The following DHX15 variants were observed in gnomAD, a reference collection of about 807,000 sequenced individuals.
DHX15 encodes DEAH-box helicase 15.
A neutral mutation model predicts 94.4 loss-of-function variants in DHX15; 11 were observed. That is an observed-to-expected ratio of 0.12 (90% CI 0.07 to 0.19). The LOEUF (loss-of-function observed/expected upper bound fraction) is 0.19, where lower values mean the gene tolerates loss of function less well. DHX15 is among the 10% of genes least tolerant of loss of function. DHX15 has a pLI of 1.00. For missense variants in DHX15, 304 were observed against 988.5 expected (o/e 0.31, Z 9.29); for synonymous variants, 338 against 329.9 (o/e 1.02, Z -0.27).
Position 24,541,888 on chromosome 4 carries a change from A to G in DHX15, c.1470T>C (p.Tyr490=). 1.3e-6 allele frequency: 2 copies of G among 1,597,016 alleles called. No homozygotes were observed. Residue 490 remains tyrosine, a synonymous_variant, in exon 8 of 14, where the codon TAT becomes TAC. Transcript: ENST00000336812. ...TACCCCATACCTGCATTTCTGTTTT[A>G]TAAGCTTTCTCTGTGTAAAGTCTGA... ...KCFRLYTEKA[Y]KTEMQDNTYP...
At chr4:24,553,060 C>G (rs1196857967) in intron 5 of DHX15, among the ~76,000 whole-genome samples, 1 of 152,202 alleles carries the variant, frequency 6.6e-6, no homozygotes, top group African/African-American at 2.4e-5. Context: ...CAGTGGCTCA[C>G]GCCTGTAATC....
intron 12 of DHX15, among the ~76,000 whole-genome samples, chr4:24,532,548 G>A (rs1344155214): frequency 6.6e-6 from 1 of 152,154 alleles, no homozygotes; most frequent in Non-Finnish European, 1.5e-5. Flanking sequence ...GAAGAAACAG[G>A]TGCCTAATCA....
chr4:24,580,066 T>C (rs1329073157), intron 1 of DHX15, among the ~76,000 whole-genome samples: 1 of 152,120 alleles, frequency 6.6e-6, no homozygotes, highest in Non-Finnish European at 1.5e-5. Flanking sequence ...GCCCCACCAA[T>C]ATTGGTTATT....
intron 3 of DHX15, among the ~76,000 whole-genome samples, chr4:24,568,193 A>G (rs1234015467): frequency 6.6e-6 from 1 of 152,244 alleles, no homozygotes; most frequent in Non-Finnish European, 1.5e-5. Context: ...CCCTAGAGTG[A>G]AAATTAAAGT....
At chr4:24,572,152 G>A (rs973060330) in intron 2 of DHX15, among the ~76,000 whole-genome samples, 5 of 152,026 alleles carry the variant, frequency 3.3e-5, no homozygotes, top group African/African-American at 1.2e-4. Context: ...TTTTTTGTTT[G>A]TTTTTTGAGA....
At position 24,547,935 on chromosome 4, in the gene DHX15, ATATATATC is replaced by A. The variant is rs1560765923; in HGVS notation, c.1248+912_1248+919del. On this transcript the variant is annotated intron_variant, in intron 6 of 13. Transcript: ENST00000336812. ...TATATATATATATATATATATATATATATATATCTATATCTATATCTATATCTATCTGC... is the reference window on the plus strand; with the variant it reads ...TATATATATATATATATATATATATATATATCTATATCTATATCTATCTGC... 2.4e-3 allele frequency among the ~76,000 whole-genome samples: 117 copies of A among 48,864 alleles called. 1 individual carries two copies. Among genetic ancestry groups the A allele is most frequent in the South Asian group, 2.9e-3 (4 of 1,358 alleles). 32.1% of individuals were successfully genotyped at this position (48,864 alleles called of 152,430 possible). A position where few individuals can be genotyped will look rare whatever the true frequency, so the allele number is the denominator to read the frequency against.
Position 24,532,164 on chromosome 4 carries a change from T to C in DHX15, c.2100+700A>G, listed in dbSNP as rs567675992. Reference sequence around the variant, plus strand: ...TATTTTATAAACACCTTAAAATAACTGTTCACAGTATTTACTTGACAAGTT... The same window carrying C: ...TATTTTATAAACACCTTAAAATAACCGTTCACAGTATTTACTTGACAAGTT... On this transcript the variant is annotated intron_variant, in intron 12 of 13. Transcript: ENST00000336812. Among the ~76,000 whole-genome samples, 316 of 152,392 alleles carry C rather than the reference T, an allele frequency of 2.1e-3. 3 individuals are homozygous for C. The highest frequency in any genetic ancestry group is 7.4e-3 in the African/African-American group (306 of 41,594).
intron 1 of DHX15, among the ~76,000 whole-genome samples, chr4:24,579,865 A>C (rs1167520905): frequency 6.6e-6 from 1 of 152,096 alleles, no homozygotes; most frequent in Admixed American, 6.5e-5. Context: ...TCCCTGTTTC[A>C]AGCGATTCTC....
At position 24,541,858 on chromosome 4, in the gene DHX15, G is replaced by T. The variant is rs369624906; in HGVS notation, c.1485+15C>A. 5.2e-6 allele frequency: 8 copies of T among 1,544,670 alleles called. No homozygotes were observed. In the African/African-American group the frequency reaches 6.9e-5, roughly 13 times the overall value. ...CATTTTAAACATATCGGCAGGAAAC[G>T]ACAATACCCCATACCTGCATTTCTG... On this transcript the variant is annotated intron_variant, in intron 8 of 13. Transcript: ENST00000336812.
At chr4:24,555,646 G>A (rs998701709) in intron 4 of DHX15, among the ~76,000 whole-genome samples, 11 of 152,098 alleles carry the variant, frequency 7.2e-5, no homozygotes, top group African/African-American at 2.4e-4. Context: ...CAAGGGATGA[G>A]TCTACATTCC....
In DHX15 at chr4:24,527,765, A is replaced by C. The variant is rs1004878492; in HGVS notation, c.*159T>G. On this transcript the variant is annotated 3_prime_UTR_variant, in exon 14 of 14. Coordinates refer to ENST00000336812, the MANE Select transcript of DHX15 (RefSeq NM_001358.3). ...CACAAAAGGGAGGCATAAATGTTTA[A>C]TTTATGAAATCAGAATGGAATATTT... The C allele has an allele frequency of 1.5e-4, 82 of 549,260 alleles. No homozygotes were observed. Among genetic ancestry groups the C allele is most frequent in the African/African-American group, 1.5e-3 (78 of 53,530 alleles). 34.0% of individuals were successfully genotyped at this position (549,260 alleles called of 1,614,324 possible).
chr4:24,568,396 T>C (rs1178374799), intron 3 of DHX15, among the ~76,000 whole-genome samples: 1 of 152,222 alleles, frequency 6.6e-6, no homozygotes, highest in Non-Finnish European at 1.5e-5. Context: ...CAACACCAGG[T>C]TAGCTCCTAG....
Position 24,584,339 on chromosome 4 carries a change from G to C in DHX15, c.55C>G (p.Arg19Gly), listed in dbSNP as rs749871607. Residue 19 changes from arginine to glycine, a missense_variant, in exon 1 of 14, where the codon CGT (arginine) becomes GGT (glycine). By Grantham distance (125) the Arg-to-Gly change is moderately radical (BLOSUM62 -2). Around this residue, in one of 9 missense-constraint regions of DHX15, gnomAD observed 143 missense variants for 200.5 expected, o/e 0.71. Transcript: ENST00000336812. ...LGEDYPSGKK[R>G]AGTDGKDRDR... The stretch of plus-strand genomic sequence containing the variant: ...CTGGCTTACCCATCGGTCCCCGCAC[G>C]CTTCTTGCCAGAGGGGTAATCCTCC... 4.3e-6 allele frequency: 7 copies of C among 1,612,776 alleles called. No homozygotes were observed. The highest frequency in any genetic ancestry group is 1.3e-5 in the African/African-American group (1 of 74,818).
chr4:24,548,792 T>C (rs1577338885), intron 6 of DHX15, 63 bp downstream of exon 6: 3 of 1,468,526 alleles, frequency 2.0e-6, no homozygotes, highest in East Asian at 4.8e-5. Flanking sequence ...TATAACTGAA[T>C]ACAGTTTATA....
intron 12 of DHX15, among the ~76,000 whole-genome samples, chr4:24,531,526 A>C (rs1211765870): frequency 1.3e-5 from 2 of 151,558 alleles, no homozygotes; most frequent in African/African-American, 4.9e-5. Flanking sequence ...CAGCCTGGGC[A>C]ACGTGGCGAG....
intron 4 of DHX15, 96 bp from the exon 5 acceptor site, chr4:24,555,039 T>C (rs1293552181): frequency 7.1e-6 from 6 of 841,920 alleles, no homozygotes; most frequent in Non-Finnish European, 1.1e-5. Flanking sequence ...ATATCAGCTA[T>C]AAAAATGCCC....
At chr4:24,536,492 T>C (rs1437145772) in intron 11 of DHX15, among the ~76,000 whole-genome samples, 4 of 152,166 alleles carry the variant, frequency 2.6e-5, no homozygotes, top group East Asian at 1.9e-4. Flanking sequence ...TATCTGCAAA[T>C]TTTATGTGAG....
At chr4:24,533,231 G>A (rs1286091300) in intron 11 of DHX15, 177 bp from the exon 12 acceptor site, 1 of 619,490 alleles carries the variant, frequency 1.6e-6, no homozygotes. Flanking sequence ...GATCTGTAGT[G>A]TGATTCAACA....
intron 3 of DHX15, 96 bp from the exon 4 acceptor site, chr4:24,556,506 T>C: frequency 1.9e-6 from 2 of 1,048,890 alleles, no homozygotes; most frequent in South Asian, 1.9e-5. Context: ...TAAGGTAAAT[T>C]AAAAATAAAC....
Sources: gnomAD v4.1 joint callset for allele counts (sites outside exome capture counted in the v4.1 genomes callset) on GRCh38, gnomAD v4.1.1 for gene constraint, gnomAD v4.1.1 regional missense constraint, MANE v1.5 for transcripts, NCBI Gene and HGNC (gene_info 2026-07-23, HGNC 2026-07-21) for gene names.